The following GRID1 variants were observed in gnomAD, a reference collection of about 807,000 sequenced individuals.
The protein encoded by GRID1 is glutamate ionotropic receptor delta type subunit 1, also known as glutamate receptor ionotropic, delta-1.
Under a neutral mutation model 98.0 loss-of-function variants are expected in GRID1, and 28 were observed. The ratio of observed to expected loss-of-function variants is 0.29; its 90% confidence interval spans 0.21 to 0.39. The LOEUF (loss-of-function observed/expected upper bound fraction) is 0.39, where lower values mean the gene tolerates loss of function less well. Among genes scored for constraint, GRID1 ranks in the 10% least tolerant of loss-of-function variants. The pLI, the probability that GRID1 is intolerant of heterozygous loss-of-function variation, is 1.00. For missense variants in GRID1, 1,111 were observed against 1,340.5 expected (o/e 0.83, Z 2.67); for synonymous variants, 553 against 538.5 (o/e 1.03, Z -0.37).
intron 8 of GRID1, among the ~76,000 whole-genome samples, chr10:85,830,007 C>T (rs1022959707): frequency 6.6e-6 from 1 of 152,074 alleles, no homozygotes. Context: ...CCAAAGCAAT[C>T]CTAAGCAAAA....
intron 6 of GRID1, among the ~76,000 whole-genome samples, chr10:85,864,350 G>C (rs1223935784): frequency 6.6e-6 from 1 of 152,232 alleles, no homozygotes; most frequent in Non-Finnish European, 1.5e-5. Flanking sequence ...TGGATGCAGG[G>C]AGCTCCACTC....
chr10:85,872,245 C>A (rs1217358631), intron 5 of GRID1, among the ~76,000 whole-genome samples: 1 of 152,116 alleles, frequency 6.6e-6, no homozygotes, highest in Non-Finnish European at 1.5e-5. Flanking sequence ...ACCTGAAAGA[C>A]AGAATATAAA....
intron 12 of GRID1, among the ~76,000 whole-genome samples, chr10:85,707,328 A>G (rs1841532184): frequency 1.3e-5 from 2 of 152,240 alleles, no homozygotes; most frequent in Admixed American, 1.3e-4. Flanking sequence ...CACTTCTCAA[A>G]AGAAGACATT....
intron 5 of GRID1, among the ~76,000 whole-genome samples, chr10:85,900,479 G>C (rs1161971111): frequency 6.6e-6 from 1 of 152,186 alleles, no homozygotes; most frequent in Non-Finnish European, 1.5e-5. Flanking sequence ...GGTAATTAAA[G>C]CTATTTTTAA....
At chr10:86,038,487 G>C (rs976205050) in intron 4 of GRID1, among the ~76,000 whole-genome samples, 1 of 152,204 alleles carries the variant, frequency 6.6e-6, no homozygotes, top group African/African-American at 2.4e-5. Context: ...TTAGCCAAAT[G>C]TACAATCATG....
intron 2 of GRID1, among the ~76,000 whole-genome samples, chr10:86,293,134 G>A (rs1847539893): frequency 6.6e-6 from 1 of 152,204 alleles, no homozygotes; most frequent in South Asian, 2.1e-4. Context: ...GCCATTGCAG[G>A]TTATTGTGGG....
intron 8 of GRID1, among the ~76,000 whole-genome samples, chr10:85,758,214 T>C (rs1413208753): frequency 3.3e-5 from 5 of 152,252 alleles, no homozygotes; most frequent in African/African-American, 1.2e-4. Flanking sequence ...TAATTATCTT[T>C]TGCTGCATTA....
rs114551586 is a variant in GRID1 at position 85,613,843 on chromosome 10, G to A, written c.2361-196C>T. Among the ~76,000 whole-genome samples, 911 of 152,262 alleles carry A rather than the reference G, an allele frequency of 6.0e-3. 8 individuals are homozygous for A. Among genetic ancestry groups the A allele is most frequent in the African/African-American group, 0.02 (849 of 41,542 alleles). On this transcript the variant is annotated intron_variant, in intron 14 of 15. Transcript: ENST00000327946. ...AGTGTTATTCCCAAAACGCACATTAGGTTTTGTCACTCCCCTCCCCAACAG... is the reference window on the plus strand; with the variant it reads ...AGTGTTATTCCCAAAACGCACATTAAGTTTTGTCACTCCCCTCCCCAACAG...
chr10:86,143,393 C>G (rs965565175), intron 3 of GRID1, among the ~76,000 whole-genome samples: 1 of 152,164 alleles, frequency 6.6e-6, no homozygotes, highest in Non-Finnish European at 1.5e-5. Context: ...CCCCATCCCC[C>G]CAAAAAACCT....
At chr10:85,647,145 C>T in intron 13 of GRID1, 57 bp downstream of exon 13, 2 of 1,425,454 alleles carry the variant, frequency 1.4e-6, no homozygotes, top group South Asian at 1.2e-5. Flanking sequence ...CACCTGGGGG[C>T]TGACCACCCC....
chr10:85,960,293 A>G (rs1440747067), intron 4 of GRID1, among the ~76,000 whole-genome samples: 1 of 152,248 alleles, frequency 6.6e-6, no homozygotes, highest in Admixed American at 6.5e-5. Flanking sequence ...CCTCTGAAAT[A>G]GTTGCACAAT....
intron 4 of GRID1, among the ~76,000 whole-genome samples, chr10:86,089,590 G>A (rs946475343): frequency 1.3e-5 from 2 of 152,082 alleles, no homozygotes; most frequent in Admixed American, 6.6e-5. Context: ...AGATTCCAGC[G>A]CTGAGATGAT....
chr10:86,095,205 C>T (rs1844204040), intron 4 of GRID1, among the ~76,000 whole-genome samples: 1 of 152,126 alleles, frequency 6.6e-6, no homozygotes, highest in Admixed American at 6.5e-5. Context: ...AAAATCAACT[C>T]AAGATGGATT....
At chr10:86,030,944 G>T (rs538991482) in intron 4 of GRID1, among the ~76,000 whole-genome samples, 1 of 152,234 alleles carries the variant, frequency 6.6e-6, no homozygotes, top group South Asian at 2.1e-4. Context: ...ACAGTAAGGA[G>T]CAAACAAGAT....
At chr10:86,234,690 T>C (rs565236403) in intron 2 of GRID1, among the ~76,000 whole-genome samples, 16 of 152,182 alleles carry the variant, frequency 1.1e-4, no homozygotes, top group African/African-American at 3.4e-4. Flanking sequence ...CCCAGCAGCA[T>C]TCCATAAATA....
chr10:85,744,678 A>T (rs1841981580), intron 8 of GRID1, among the ~76,000 whole-genome samples: 1 of 81,496 alleles, frequency 1.2e-5, no homozygotes, highest in Non-Finnish European at 2.4e-5. Context: ...CTTCATGTCC[A>T]AAACACCAAA....
At chr10:86,306,961 G>A (rs1426881150) in intron 2 of GRID1, among the ~76,000 whole-genome samples, 1 of 152,168 alleles carries the variant, frequency 6.6e-6, no homozygotes, top group African/African-American at 2.4e-5. Context: ...GTAAACAGTT[G>A]TGTCGCCCTC....
chr10:85,666,810 G>T (rs1841023522), intron 12 of GRID1, among the ~76,000 whole-genome samples: 1 of 152,064 alleles, frequency 6.6e-6, no homozygotes. Flanking sequence ...TACCCAAGCT[G>T]GCTCCTCCCC....
intron 5 of GRID1, among the ~76,000 whole-genome samples, chr10:85,892,407 C>T (rs1276786670): frequency 7.3e-5 from 11 of 151,520 alleles, no homozygotes; most frequent in Admixed American, 5.3e-4. Flanking sequence ...AAGCACATAA[C>T]CAAAGAGAGG....
Sources: gnomAD v4.1 joint callset for allele counts (sites outside exome capture counted in the v4.1 genomes callset) on GRCh38, gnomAD v4.1.1 for gene constraint, MANE v1.5 for transcripts, NCBI Gene and HGNC (gene_info 2026-07-23, HGNC 2026-07-21) for gene names.